The following GABRA3 variants were observed in gnomAD, a reference collection of about 807,000 sequenced individuals.
The protein encoded by GABRA3 is gamma-aminobutyric acid receptor subunit alpha-3.
A neutral mutation model predicts 30.1 loss-of-function variants in GABRA3; 10 were observed. The ratio of observed to expected loss-of-function variants is 0.33; its 90% CI spans 0.20 to 0.56. The LOEUF (loss-of-function observed/expected upper bound fraction) is 0.56, where lower values mean the gene tolerates loss of function less well. GABRA3 is among the 20% of genes least tolerant of loss of function. The pLI is 0.89. For synonymous variants in GABRA3, 151 were observed against 146.8 expected (o/e 1.03, Z -0.21); for missense variants, 233 against 392.0 (o/e 0.59, Z 3.42).
At chrX:152,175,837 G>A (rs1262680114) in intron 9 of GABRA3, among the ~76,000 whole-genome samples, 1 of 110,552 alleles carries the variant, frequency 9.0e-6, no homozygotes, top group Non-Finnish European at 1.9e-5. Flanking sequence ...GGCCAAGGCG[G>A]GCAGATCATG....
In GABRA3 at chrX:152,190,155, C is replaced by T. The variant is rs150301424; in HGVS notation, c.932-214G>A. Among the ~76,000 whole-genome samples the T allele has an allele frequency of 4.9e-3, 550 of 111,471 alleles. 4 individuals are homozygous for T. Among genetic ancestry groups the T allele is most frequent in the African/African-American group, 0.017 (518 of 30,662 alleles). On this transcript the variant is annotated intron_variant, in intron 8 of 9. Transcript: ENST00000370314. ...CCCAATTGGCAGAAGACTATATAGG[C>T]ATCTGCAATGGATTACATTTAATTG...
intron 4 of GABRA3, among the ~76,000 whole-genome samples, chrX:152,271,132 A>C (rs1231782229): frequency 6.4e-5 from 7 of 109,317 alleles, no homozygotes; most frequent in African/African-American, 2.3e-4. Flanking sequence ...CTGGCTAATT[A>C]TTGCATTTTT....
At chrX:152,294,066 C>T (rs1401090735) in intron 3 of GABRA3, among the ~76,000 whole-genome samples, 1 of 111,392 alleles carries the variant, frequency 9.0e-6, no homozygotes, top group Non-Finnish European at 1.9e-5. Flanking sequence ...AACATTTTTC[C>T]TTCATTTCAA....
intron 1 of GABRA3, among the ~76,000 whole-genome samples, chrX:152,440,262 TGAAA>T (rs756991551): frequency 8.9e-5 from 10 of 112,295 alleles, no homozygotes; most frequent in Non-Finnish European, 1.9e-4. Flanking sequence ...AACAAACATA[TGAAA>T]GAAAGCTCAT....
At chrX:152,438,474 T>C (rs898122687) in intron 1 of GABRA3, among the ~76,000 whole-genome samples, 1 of 111,841 alleles carries the variant, frequency 8.9e-6, no homozygotes, top group African/African-American at 3.2e-5. Context: ...CCCAAATGAG[T>C]TGAAAACTTA....
chrX:152,268,798 G>C (rs1267764399), intron 4 of GABRA3, among the ~76,000 whole-genome samples: 1 of 111,580 alleles, frequency 9.0e-6, no homozygotes, highest in Non-Finnish European at 1.9e-5. Flanking sequence ...TTGAACTCCT[G>C]AGCTCAAGGG....
chrX:152,315,973 C>G (rs1201474635), intron 3 of GABRA3, among the ~76,000 whole-genome samples: 1 of 10,003 alleles, frequency 1.0e-4, no homozygotes, highest in Non-Finnish European at 2.6e-4. Context: ...GCCCCCCGAC[C>G]CCCCCCCCCC....
At chrX:152,171,498 G>A (rs1937000847) in intron 9 of GABRA3, 1 of 148,686 alleles carries the variant, frequency 6.7e-6, no homozygotes. Context: ...TAGATTAATG[G>A]TAATATTTAC....
intron 9 of GABRA3, among the ~76,000 whole-genome samples, chrX:152,170,668 G>A (rs746791366): frequency 3.6e-5 from 4 of 111,681 alleles, no homozygotes; most frequent in Non-Finnish European, 7.5e-5. Flanking sequence ...GGGCCACAGC[G>A]TGCATGGCAA....
chrX:152,233,098 T>C (rs1015127201), intron 5 of GABRA3, among the ~76,000 whole-genome samples: 3 of 111,455 alleles, frequency 2.7e-5, no homozygotes, highest in South Asian at 3.7e-4. Flanking sequence ...TTTTATCATG[T>C]TTATTGGCCA....
intron 1 of GABRA3, among the ~76,000 whole-genome samples, chrX:152,392,812 A>G (rs1238634984): frequency 2.7e-5 from 3 of 112,403 alleles, no homozygotes; most frequent in African/African-American, 9.7e-5. Flanking sequence ...AGGAGCTAAG[A>G]GGCATAGATA....
Position 152,333,899 on chromosome X carries a change from G to A in GABRA3, c.262+11682C>T, listed in dbSNP as rs192854197. On this transcript the variant is annotated intron_variant, in intron 3 of 9. Coordinates refer to ENST00000370314, the MANE Select transcript of GABRA3 (RefSeq NM_000808.4). Reference sequence around the variant, plus strand: ...ATTTTTTTCTCAGAAAATGATAAGCGGATTATAAAATTTATCTAGAAATTT... The same window carrying A: ...ATTTTTTTCTCAGAAAATGATAAGCAGATTATAAAATTTATCTAGAAATTT... Among the ~76,000 whole-genome samples the A allele has an allele frequency of 9.7e-3, 1,069 of 110,543 alleles. 5 individuals carry two copies. The highest frequency in any genetic ancestry group is 0.016 in the Non-Finnish European group (830 of 52,809).
intron 1 of GABRA3, among the ~76,000 whole-genome samples, chrX:152,407,812 G>A (rs745447712): frequency 1.3e-4 from 15 of 111,240 alleles, no homozygotes; most frequent in African/African-American, 4.2e-4. Flanking sequence ...GAACATAGAC[G>A]CTAAAATCCT....
intron 9 of GABRA3, among the ~76,000 whole-genome samples, chrX:152,188,184 C>T (rs1276668117): frequency 3.6e-5 from 4 of 110,742 alleles, no homozygotes; most frequent in Non-Finnish European, 5.7e-5. Flanking sequence ...ATACAGCCAA[C>T]CCCCATGACA....
rs1239998038 is a variant in GABRA3, at chrX:152,202,786, A to T, written c.779-5001T>A. Reference sequence around the variant, plus strand: ...AATAAAACTCCAGATTATATTCGAGATGTAAATTTTAAAAATGGAAATAAT... The same window carrying T: ...AATAAAACTCCAGATTATATTCGAGTTGTAAATTTTAAAAATGGAAATAAT... On this transcript the variant is annotated intron_variant, in intron 7 of 9. Coordinates refer to ENST00000370314, the MANE Select transcript of GABRA3 (RefSeq NM_000808.4). Among the ~76,000 whole-genome samples, 5 of 112,114 alleles carry T rather than the reference A, an allele frequency of 4.5e-5. No individual in the cohort carries two copies. The Admixed American group carries it at 4.7e-4, about 11-fold the overall frequency.
At chrX:152,171,135 A>C (rs762809220) in intron 9 of GABRA3, among the ~76,000 whole-genome samples, 2 of 112,079 alleles carry the variant, frequency 1.8e-5, no homozygotes, top group African/African-American at 6.5e-5. Context: ...GGAAAGAAAG[A>C]AAAGAAAAAA....
chrX:152,289,632 C>G (rs1196630186), intron 3 of GABRA3, among the ~76,000 whole-genome samples: 1 of 111,134 alleles, frequency 9.0e-6, no homozygotes, highest in Non-Finnish European at 1.9e-5. Context: ...TCATCACTTA[C>G]ATTAGGTATT....
At chrX:152,428,931 T>C (rs1930578118) in intron 1 of GABRA3, among the ~76,000 whole-genome samples, 1 of 110,885 alleles carries the variant, frequency 9.0e-6, no homozygotes, top group African/African-American at 3.3e-5. Context: ...CCACTGAAAA[T>C]GAAGAATGCA....
intron 9 of GABRA3, among the ~76,000 whole-genome samples, chrX:152,174,402 C>T (rs186653055): frequency 0.012 from 1,396 of 111,992 alleles, 27 homozygotes; most frequent in African/African-American, 0.043. Context: ...TTTATAGTCC[C>T]ACCAACAGTG....
Sources: gnomAD v4.1 joint callset for allele counts (sites outside exome capture counted in the v4.1 genomes callset) on GRCh38, gnomAD v4.1.1 for gene constraint, MANE v1.5 for transcripts, NCBI Gene and HGNC (gene_info 2026-07-23, HGNC 2026-07-21) for gene names.